Variants in TENM2 observed in about 807,000 individuals in gnomAD.
TENM2 encodes teneurin transmembrane protein 2.
In TENM2, 52 loss-of-function variants were observed where a neutral mutation model predicts 245.2. The ratio of observed to expected loss-of-function variants is 0.21; its 90% CI spans 0.17 to 0.27. The LOEUF (loss-of-function observed/expected upper bound fraction) is 0.27. Ranked by LOEUF, TENM2 falls within the 10% of genes least tolerant of loss-of-function variation. The pLI is 1.00. For missense variants in TENM2, 3,046 were observed against 3,666.8 expected (o/e 0.83, Z 4.37); for synonymous variants, 1,363 against 1,438.9 (o/e 0.95, Z 1.19).
intron 2 of TENM2, among the ~76,000 whole-genome samples, chr5:167,802,714 A>G (rs1349108112): frequency 6.6e-6 from 1 of 152,132 alleles, no homozygotes; most frequent in Non-Finnish European, 1.5e-5. Flanking sequence ...TTCTACTAGT[A>G]GGCTTCTTTA....
At chr5:167,503,524 T>C (rs1415588471) in intron 2 of TENM2, among the ~76,000 whole-genome samples, 1 of 151,732 alleles carries the variant, frequency 6.6e-6, no homozygotes, top group Non-Finnish European at 1.5e-5. Flanking sequence ...TTCCTTTTTT[T>C]TTTTTGGTGG....
At chr5:167,419,730 T>C (rs1763380057) in intron 2 of TENM2, among the ~76,000 whole-genome samples, 1 of 152,224 alleles carries the variant, frequency 6.6e-6, no homozygotes, top group Non-Finnish European at 1.5e-5. Flanking sequence ...CTGTATGTTT[T>C]TAAATGAGTT....
intron 2 of TENM2, among the ~76,000 whole-genome samples, chr5:167,462,010 A>G (rs1230225694): frequency 6.6e-6 from 1 of 152,350 alleles, no homozygotes; most frequent in Admixed American, 6.5e-5. Context: ...ACTCAAAATC[A>G]GTGCATCTTC....
At chr5:167,137,376 A>G in the TENM2 span, among the ~76,000 whole-genome samples, 8 of 152,222 alleles carry the variant, frequency 5.3e-5, no homozygotes, top group East Asian at 5.8e-4. Context: ...GAAATTTTAT[A>G]TCAGCACTGC....
chr5:167,435,207 A>G (rs78447402), intron 2 of TENM2, among the ~76,000 whole-genome samples: 90 of 152,304 alleles, frequency 5.9e-4, no homozygotes, highest in African/African-American at 1.8e-3. Flanking sequence ...TGTGTAGTCA[A>G]TGCCTTAGAT....
chr5:167,413,550 T>A (rs1581973761), intron 2 of TENM2, among the ~76,000 whole-genome samples: 1 of 152,274 alleles, frequency 6.6e-6, no homozygotes, highest in Non-Finnish European at 1.5e-5. Context: ...CCTTTAAGGC[T>A]CACATACCTG....
At chr5:167,310,917 G>A (rs375987738) in intron 1 of TENM2, among the ~76,000 whole-genome samples, 119 of 152,312 alleles carry the variant, frequency 7.8e-4, no homozygotes, top group African/African-American at 2.8e-3. Context: ...GCAACAGCTA[G>A]GGACTTAGTA....
At chr5:167,558,057 G>A (rs191407724) in intron 2 of TENM2, among the ~76,000 whole-genome samples, 5 of 152,188 alleles carry the variant, frequency 3.3e-5, no homozygotes, top group African/African-American at 7.2e-5. Flanking sequence ...TCTAAAAGCC[G>A]TGAAACAGAA....
At chr5:167,140,536 AG>A in the TENM2 span, among the ~76,000 whole-genome samples, 1 of 152,178 alleles carries the variant, frequency 6.6e-6, no homozygotes, top group Non-Finnish European at 1.5e-5. Flanking sequence ...AGTGTTTAGA[AG>A]CTGCTAATGA....
At chr5:168,203,882 AACCTTGTCT>A in intron 18 of TENM2, 50 bp downstream of exon 20, 1 of 1,539,522 alleles carries the variant, frequency 6.5e-7, no homozygotes. Context: ...ACTTCTCTGG[AACCTTGTCT>A]CTAGCCTCAG....
At chr5:166,999,074 A>G in the TENM2 span, among the ~76,000 whole-genome samples, 1 of 151,480 alleles carries the variant, frequency 6.6e-6, no homozygotes, top group Non-Finnish European at 1.5e-5. Context: ...GTTTTCCATA[A>G]TAATTTTTAT....
In TENM2 at chr5:168,244,768, T is replaced by G; in HGVS notation, c.5817+52T>G. On this transcript the variant is annotated intron_variant, in intron 26 of 28. Transcript: ENST00000518659. The surrounding 1 kb of genome is among the most constrained non-coding windows in gnomAD (Gnocchi z 4.9). ...AAGGGCTTTCTGTTATTTCTGTTAT[T>G]CCGGCTTCTTTTTTTTTTTGAGACA... The G allele has an allele frequency of 7.4e-7, 1 of 1,355,678 alleles. No homozygotes were observed. Among genetic ancestry groups the G allele is most frequent in the South Asian group, 2.0e-5 (1 of 49,026 alleles). The allele number at this position is 1,355,678 out of a possible 1,614,324, so 84.0% of individuals were successfully genotyped here.
At chr5:167,257,824 T>C in the TENM2 span, among the ~76,000 whole-genome samples, 1 of 152,088 alleles carries the variant, frequency 6.6e-6, no homozygotes, top group Non-Finnish European at 1.5e-5. Context: ...GATTAAAATA[T>C]GTCAAGAATG....
At chr5:167,929,125 G>GAAAGAAAGA (rs1554148112) in intron 3 of TENM2, among the ~76,000 whole-genome samples, 1 of 94,326 alleles carries the variant, frequency 1.1e-5, no homozygotes, top group African/African-American at 3.9e-5. Context: ...AAGAAAGAAA[G>GAAAGAAAGA]AAAGAAAAGA....
At chr5:167,920,513 C>T (rs1278994397) in intron 3 of TENM2, among the ~76,000 whole-genome samples, 1 of 69,906 alleles carries the variant, frequency 1.4e-5, no homozygotes, top group Non-Finnish European at 2.9e-5. Flanking sequence ...AGCGAAACTC[C>T]ATCACACACA....
intron 2 of TENM2, among the ~76,000 whole-genome samples, chr5:167,655,341 G>T (rs143336650): frequency 6.6e-6 from 1 of 152,232 alleles, no homozygotes; most frequent in Non-Finnish European, 1.5e-5. Context: ...TTTTGTCATT[G>T]CATTACTCTA....
the TENM2 span, among the ~76,000 whole-genome samples, chr5:167,036,993 C>A: frequency 6.6e-6 from 1 of 152,148 alleles, no homozygotes; most frequent in Non-Finnish European, 1.5e-5. Context: ...ACTTGGCAAA[C>A]CCTCCCACAC....
the TENM2 span, among the ~76,000 whole-genome samples, chr5:167,196,642 T>C: frequency 2.6e-4 from 39 of 151,602 alleles, no homozygotes; most frequent in Non-Finnish European, 5.4e-4. Flanking sequence ...CCCTCTATAT[T>C]CGTGGGTTTG....
chr5:167,842,614 C>T (rs372692181), intron 2 of TENM2, among the ~76,000 whole-genome samples: 31 of 147,844 alleles, frequency 2.1e-4, no homozygotes, highest in Non-Finnish European at 4.2e-4. Flanking sequence ...AAAAAAGAAC[C>T]CTTTTATCCC....
Sources: gnomAD v4.1 joint callset for allele counts (sites outside exome capture counted in the v4.1 genomes callset) on GRCh38, gnomAD v4.1.1 for gene constraint, Gnocchi (gnomAD v3.1) non-coding constraint, MANE v1.5 for transcripts, NCBI Gene and HGNC (gene_info 2026-07-23, HGNC 2026-07-21) for gene names.